Variants in NME8 observed in about 807,000 individuals in gnomAD.
The protein encoded by NME8 is NME/NM23 family member 8.
In NME8, 72 loss-of-function variants were observed where a neutral mutation model predicts 82.3. That is an observed-to-expected ratio of 0.87 (90% confidence interval 0.72 to 1.06). The LOEUF is 1.06. Ranked by LOEUF, NME8 falls within the 50% of genes least tolerant of loss-of-function variation. NME8 has a pLI of 0.00. For synonymous variants in NME8, 267 were observed against 228.5 expected, an observed-to-expected ratio of 1.17 and a Z score of -1.52; for missense variants, 712 against 685.4, an observed-to-expected ratio of 1.04 and a Z score of -0.43.
rs2131970473 is a variant in NME8, at chr7:37,888,289, G to A, written c.1260G>A (p.Gln420=). The change falls in exon 15 of 18, where the codon CAG becomes CAA. Residue 420 remains glutamine, a synonymous_variant. Coordinates refer to ENST00000199447, the MANE Select transcript of NME8 (RefSeq NM_016616.5). ...TTCTTTTTCAAAGTTTATGTGCACA[G>A]TTTGCGATGGACAGTTTGCCGGTCA... ...IEYFPESLCA[Q]FAMDSLPVNQ... The A allele has an allele frequency of 6.2e-7, 1 of 1,613,542 alleles. No homozygotes were observed. The highest frequency in any genetic ancestry group is 8.5e-7 in the Non-Finnish European group (1 of 1,179,636).
intron 17 of NME8, among the ~76,000 whole-genome samples, chr7:37,897,898 C>T (rs771934977): frequency 2.0e-5 from 3 of 152,120 alleles, no homozygotes; most frequent in African/African-American, 4.8e-5. Flanking sequence ...TCCAGTCTAT[C>T]GCTGATGGGC....
intron 12 of NME8, among the ~76,000 whole-genome samples, chr7:37,879,803 C>G (rs13245119): frequency 6.6e-6 from 1 of 152,264 alleles, no homozygotes; most frequent in East Asian, 1.9e-4. Context: ...GTACCACTTT[C>G]CATTTTTGTT....
intron 6 of NME8, among the ~76,000 whole-genome samples, chr7:37,857,920 G>A (rs77524454): frequency 0.011 from 1,725 of 152,262 alleles, 35 homozygotes; most frequent in East Asian, 0.077. Context: ...ACAGAGGCCA[G>A]GCATAGTGGC....
chr7:37,864,334 A>G lies in NME8; in HGVS notation c.455-14A>G, dbSNP rs756291276. The stretch of plus-strand genomic sequence containing the variant: ...AGAAAATGAAATTCTGTCTTTTTCT[A>G]AATTTTTTTCCAGAGGAATTATACA... On this transcript the variant is annotated splice_polypyrimidine_tract_variant and intron_variant, in intron 8 of 17. Coordinates refer to ENST00000199447, the MANE Select transcript of NME8 (RefSeq NM_016616.5). 2.5e-6 allele frequency: 4 copies of G among 1,592,124 alleles called. No homozygotes were observed. The South Asian group carries it at 4.4e-5, about 18-fold the overall frequency.
chr7:37,884,240 G>A (rs1785007199), intron 12 of NME8, 63 bp from the exon 13 acceptor site: 6 of 1,127,956 alleles, frequency 5.3e-6, no homozygotes, highest in Non-Finnish European at 8.1e-6. Context: ...AGTATATTAT[G>A]TATTGTGTAC....
At chr7:37,880,210 C>T (rs1039035493) in intron 12 of NME8, among the ~76,000 whole-genome samples, 4 of 151,912 alleles carry the variant, frequency 2.6e-5, no homozygotes, top group African/African-American at 9.7e-5. Context: ...TTAATTTAGT[C>T]CAGCTTATTA....
chr7:37,872,897 T>C (rs1055259404), intron 11 of NME8, among the ~76,000 whole-genome samples: 1 of 152,076 alleles, frequency 6.6e-6, no homozygotes, highest in African/African-American at 2.4e-5. Context: ...CACACACAAA[T>C]ACAGGAACAT....
chr7:37,882,845 A>G (rs1390508163), intron 12 of NME8, among the ~76,000 whole-genome samples: 1 of 152,134 alleles, frequency 6.6e-6, no homozygotes, highest in African/African-American at 2.4e-5. Flanking sequence ...GCTTGAAAGG[A>G]TGTTTGAAAA....
chr7:37,894,747 T>C lies in NME8; in HGVS notation c.1544+137T>C, dbSNP rs1012484682. ...AAAGACATTCTGCTAACATTCATGG[T>C]TCATCTTTTTTCTATTTCCTTACCT... On this transcript the variant is annotated intron_variant, in intron 16 of 17. Transcript: ENST00000199447. The C allele has an allele frequency of 1.1e-5, 10 of 893,804 alleles. No individual in the cohort carries two copies. In the African/African-American group the frequency reaches 1.5e-4, roughly 13 times the overall value. 55.4% of individuals were successfully genotyped at this position (893,804 alleles called of 1,614,324 possible).
chr7:37,894,411 G>T (rs887349586), intron 15 of NME8, 55 bp from the exon 16 acceptor site: 132 of 1,545,396 alleles, frequency 8.5e-5, no homozygotes, highest in Non-Finnish European at 1.1e-4. Flanking sequence ...GTCTACTTGA[G>T]TATGGAGGAA....
At chr7:37,885,946 C>T (rs895256104) in intron 14 of NME8, among the ~76,000 whole-genome samples, 1 of 152,174 alleles carries the variant, frequency 6.6e-6, no homozygotes, top group African/African-American at 2.4e-5. Flanking sequence ...CTCATACTCC[C>T]TTCAGGTGTG....
At chr7:37,873,359 C>CAAAAAA (rs10647118) in intron 11 of NME8, among the ~76,000 whole-genome samples, 14 of 105,430 alleles carry the variant, frequency 1.3e-4, no homozygotes, top group South Asian at 1.3e-3. Context: ...GACTCTGTCT[C>CAAAAAA]AAAAAAAAAA....
At chr7:37,863,198 T>C (rs1392018945) in intron 7 of NME8, among the ~76,000 whole-genome samples, 198 bp from the exon 8 acceptor site, 1 of 152,194 alleles carries the variant, frequency 6.6e-6, no homozygotes, top group African/African-American at 2.4e-5. Flanking sequence ...TTCCTGCCCC[T>C]TCCATTTTAA....
chr7:37,870,145 G>C (rs1484012607), intron 11 of NME8, among the ~76,000 whole-genome samples: 1 of 151,738 alleles, frequency 6.6e-6, no homozygotes, highest in Non-Finnish European at 1.5e-5. Context: ...TCTATAACAG[G>C]GGTGTCCAAT....
chr7:37,895,321 T>C (rs1344506874), intron 16 of NME8, among the ~76,000 whole-genome samples: 3 of 152,318 alleles, frequency 2.0e-5, no homozygotes, highest in South Asian at 4.1e-4. Context: ...ATTTATTGTT[T>C]CCTTAATTCC....
intron 13 of NME8, 54 bp from the exon 14 acceptor site, chr7:37,885,091 T>A: frequency 1.9e-6 from 2 of 1,057,408 alleles, no homozygotes; most frequent in Non-Finnish European, 2.9e-6. Context: ...CTATACATAA[T>A]TAGCTACTGA....
intron 11 of NME8, among the ~76,000 whole-genome samples, chr7:37,875,185 G>C (rs909536592): frequency 3.9e-5 from 6 of 152,092 alleles, no homozygotes; most frequent in Admixed American, 2.6e-4. Context: ...CGCTGTTGGA[G>C]ATAAAAGCAA....
chr7:37,876,812 T>C lies in NME8; in HGVS notation c.819-20T>C. ...ACCTCAGTTTATAATAATCTTAAATTATATTTTGGATTTTGACAGTTTACA... is the reference window on the plus strand; with the variant it reads ...ACCTCAGTTTATAATAATCTTAAATCATATTTTGGATTTTGACAGTTTACA... On this transcript the variant is annotated intron_variant, in intron 11 of 17. Transcript: ENST00000199447. The C allele has an allele frequency of 6.4e-7, 1 of 1,561,900 alleles. No homozygotes were observed. Among genetic ancestry groups the C allele is most frequent in the Non-Finnish European group, 8.8e-7 (1 of 1,134,864 alleles).
At chr7:37,894,708 A>G (rs191407367) in intron 16 of NME8, 98 bp downstream of exon 16, 1 of 1,172,814 alleles carries the variant, frequency 8.5e-7, no homozygotes, top group East Asian at 2.6e-5. Context: ...CATTTCATCT[A>G]ATCTCATTCA....
Sources: allele counts gnomAD v4.1 joint callset (sites outside exome capture counted in the v4.1 genomes callset), GRCh38; gene constraint gnomAD v4.1.1; transcripts MANE v1.5; gene names NCBI Gene and HGNC (gene_info 2026-07-23, HGNC 2026-07-21).